Variants in ATP5PO observed in about 807,000 individuals in gnomAD.
ATP5PO encodes ATP synthase peripheral stalk subunit OSCP, mitochondrial.
ATP5PO carries 14 observed loss-of-function variants against 26.2 expected under a neutral mutation model. The ratio of observed to expected loss-of-function variants is 0.53; its 90% CI spans 0.35 to 0.83. The LOEUF (loss-of-function observed/expected upper bound fraction) is 0.83. Among genes scored for constraint, ATP5PO ranks in the 40% least tolerant of loss-of-function variants. The probability of loss-of-function intolerance (pLI) is 0.01; values close to 1 mark genes in which losing one functional copy is unlikely to be tolerated. For synonymous variants in ATP5PO, 106 were observed against 95.1 expected (o/e 1.12, Z -0.67); for missense variants, 241 against 258.5 (o/e 0.93, Z 0.46).
At chr21:33,910,948 CGTAA>C (rs769897785) in intron 3 of ATP5PO, among the ~76,000 whole-genome samples, 10 of 152,132 alleles carry the variant, frequency 6.6e-5, no homozygotes, top group Admixed American at 3.9e-4. Flanking sequence ...TAATATAGAA[CGTAA>C]GTATTATTAC....
intron 5 of ATP5PO, among the ~76,000 whole-genome samples, chr21:33,905,500 C>T (rs1987157805): frequency 6.6e-6 from 1 of 152,202 alleles, no homozygotes; most frequent in Non-Finnish European, 1.5e-5. Context: ...AGTCACTCAT[C>T]AAGACATAAC....
rs117075106 is a variant in ATP5PO, at chr21:33,905,798, G to C, written c.441+1543C>G. On this transcript the variant is annotated intron_variant, in intron 5 of 6. Coordinates refer to ENST00000290299, the MANE Select transcript of ATP5PO (RefSeq NM_001697.3). ...GTGTGGTGGCAGGTGCTGTAGTCCA[G>C]CTACTTGGGAGGCTGAGGCAGGAGA... 9.1e-3 allele frequency among the ~76,000 whole-genome samples: 1,386 copies of C among 151,760 alleles called. 7 individuals carry two copies. The highest frequency in any genetic ancestry group is 0.012 in the Non-Finnish European group (785 of 67,952).
In ATP5PO at chr21:33,909,071, C is replaced by A; in HGVS notation, c.328+11G>T. 6.3e-7 allele frequency: 1 copy of A among 1,598,780 alleles called. No individual in the cohort carries two copies. Among genetic ancestry groups the A allele is most frequent in the South Asian group, 1.1e-5 (1 of 89,802 alleles). Reference sequence around the variant, plus strand: ...TCAAGACACCTCAAATGAAAAAGTTCTAATACTCACTGATCAGATTGGTAG... The same window carrying A: ...TCAAGACACCTCAAATGAAAAAGTTATAATACTCACTGATCAGATTGGTAG... On this transcript the variant is annotated intron_variant, in intron 4 of 6. Transcript: ENST00000290299.
intron 4 of ATP5PO, 123 bp downstream of exon 4, chr21:33,908,959 T>C: frequency 7.9e-6 from 9 of 1,145,884 alleles, no homozygotes; most frequent in Non-Finnish European, 1.1e-5. Flanking sequence ...CAGGTTGCTG[T>C]GAGGCCTGAG....
chr21:33,906,571 C>T (rs1987175424), intron 5 of ATP5PO: 1 of 407,874 alleles, frequency 2.5e-6, no homozygotes, highest in African/African-American at 2.1e-5. Flanking sequence ...AATAAAGCAC[C>T]CAGCATATAG....
intron 2 of ATP5PO, 66 bp downstream of exon 2, chr21:33,914,384 C>A: frequency 2.0e-6 from 3 of 1,501,236 alleles, no homozygotes; most frequent in Non-Finnish European, 1.8e-6. Flanking sequence ...CACGCCCTGA[C>A]TGTACTGCTG....
intron 2 of ATP5PO, among the ~76,000 whole-genome samples, chr21:33,912,977 T>C (rs1483316656): frequency 1.3e-5 from 2 of 152,252 alleles, no homozygotes; most frequent in Non-Finnish European, 2.9e-5. Flanking sequence ...AGACTTTTTT[T>C]CTACCATCAA....
chr21:33,903,841 T>G, intron 6 of ATP5PO, 94 bp downstream of exon 6: 1 of 1,194,374 alleles, frequency 8.4e-7, no homozygotes. Context: ...AAAATTAGTA[T>G]AGAGTTAGAT....
intron 2 of ATP5PO, 31 bp from the exon 3 acceptor site, chr21:33,912,430 A>G (rs2211873): frequency 0.69 from 1,059,253 of 1,529,136 alleles, 367,578 homozygotes; most frequent in South Asian, 0.73. Context: ...AGGAGAGGAA[A>G]GAAAAAGGAA....
At chr21:33,908,917 G>C (rs1037311620) in intron 4 of ATP5PO, 165 bp downstream of exon 4, 5 of 701,324 alleles carry the variant, frequency 7.1e-6, no homozygotes, top group Non-Finnish European at 1.1e-5. Flanking sequence ...GATTCACTTA[G>C]GGAGCTGGTT....
rs1159634785 is a variant in ATP5PO at position 33,903,647 on chromosome 21, AGAAG to A, written c.529-12_529-9del. The A allele has an allele frequency of 2.5e-6, 4 of 1,613,396 alleles. No individual in the cohort carries two copies. In the South Asian group the frequency reaches 4.4e-5, roughly 18 times the overall value. On this transcript the variant is annotated splice_polypyrimidine_tract_variant and intron_variant, in intron 6 of 6. Coordinates refer to ENST00000290299, the MANE Select transcript of ATP5PO (RefSeq NM_001697.3). ...CAAGATTGACGGATCAGTCTACAAA[AGAAG>A]TAAGACTGGAAATGTGAAAACGCGC...
Position 33,914,055 on chromosome 21 carries a change from G to A in ATP5PO, c.87+395C>T, listed in dbSNP as rs192859123. Among the ~76,000 whole-genome samples the A allele has an allele frequency of 9.8e-3, 1,498 of 152,176 alleles. 8 individuals carry two copies. The highest frequency in any genetic ancestry group is 0.013 in the Non-Finnish European group (890 of 68,008). The stretch of plus-strand genomic sequence containing the variant: ...GGCCTCCCAAAGTGCTGGGACTACA[G>A]GCGTGAGCCACCGCGCCCAGCCCGG... On this transcript the variant is annotated intron_variant, in intron 2 of 6. Coordinates refer to ENST00000290299, the MANE Select transcript of ATP5PO (RefSeq NM_001697.3).
intron 2 of ATP5PO, among the ~76,000 whole-genome samples, chr21:33,912,690 C>T (rs1357178488): frequency 1.3e-5 from 2 of 152,100 alleles, no homozygotes; most frequent in Non-Finnish European, 2.9e-5. Flanking sequence ...TTATCAATTA[C>T]TTGTACTTTA....
intron 1 of ATP5PO, 63 bp from the exon 2 acceptor site, chr21:33,914,563 C>A (rs1387563702): frequency 6.8e-7 from 1 of 1,467,510 alleles, no homozygotes; most frequent in East Asian, 2.3e-5. Flanking sequence ...GCATTTAACT[C>A]AATAACAACA....
chr21:33,909,579 C>G (rs984047192), intron 3 of ATP5PO, among the ~76,000 whole-genome samples: 3 of 152,100 alleles, frequency 2.0e-5, no homozygotes, highest in African/African-American at 7.2e-5. Context: ...CAAACACTTT[C>G]TTATGAATTA....
At position 33,912,342 on chromosome 21, in the gene ATP5PO, C is replaced by CTGT; in HGVS notation, c.144_145insACA (p.Ala48_Ala49insThr). The CTGT allele has an allele frequency of 6.2e-7, 1 of 1,613,370 alleles. No individual in the cohort carries two copies. The highest frequency in any genetic ancestry group is 8.5e-7 in the Non-Finnish European group (1 of 1,179,662). ...TGCTCCAGCTTATTCTGTTTTGATGCAGCAGAATAAAGAGCTGTGGCATAG... is the reference window on the plus strand; with the variant it reads ...TGCTCCAGCTTATTCTGTTTTGATGCTGTAGCAGAATAAAGAGCTGTGGCATAG... On this transcript the variant is annotated inframe_insertion, in exon 3 of 7. Transcript: ENST00000290299.
intron 4 of ATP5PO, 74 bp from the exon 5 acceptor site, chr21:33,907,527 C>CA: frequency 7.7e-7 from 1 of 1,297,418 alleles, no homozygotes; most frequent in Non-Finnish European, 1.1e-6. Flanking sequence ...ATACTCAACC[C>CA]AAAAAACAAA....
In ATP5PO at chr21:33,911,662, G is replaced by GTTTTTT. The variant is rs58774588; in HGVS notation, c.198+621_198+626dup. Among the ~76,000 whole-genome samples the GTTTTTT allele has an allele frequency of 1.6e-3, 150 of 92,088 alleles. 5 individuals are homozygous for GTTTTTT. Among genetic ancestry groups the GTTTTTT allele is most frequent in the African/African-American group, 3.7e-3 (91 of 24,666 alleles). 60.4% of individuals were successfully genotyped at this position (92,088 alleles called of 152,430 possible). A position where few individuals can be genotyped will look rare whatever the true frequency, so the allele number is the denominator to read the frequency against. Reference sequence around the variant, plus strand: ...CTAAACACCTAGCCCATAAGCATAGGTTTTTTTTTTTTTTTTTTTTTTTTG... The same window carrying GTTTTTT: ...CTAAACACCTAGCCCATAAGCATAGGTTTTTTTTTTTTTTTTTTTTTTTTTTTTTTG... On this transcript the variant is annotated intron_variant, in intron 3 of 6. Transcript: ENST00000290299.
chr21:33,915,360 T>A (rs1338045328), intron 1 of ATP5PO: 5 of 302,542 alleles, frequency 1.7e-5, no homozygotes, highest in Non-Finnish European at 3.1e-5. Context: ...GCATTACTAG[T>A]AAGTGATCTC....
Sources: gnomAD v4.1 joint callset for allele counts (sites outside exome capture counted in the v4.1 genomes callset) on GRCh38, gnomAD v4.1.1 for gene constraint, MANE v1.5 for transcripts, NCBI Gene and HGNC (gene_info 2026-07-23, HGNC 2026-07-21) for gene names.